Variants in BDKRB2 observed in about 807,000 individuals in gnomAD.
BDKRB2 encodes the protein B2 bradykinin receptor.
A neutral mutation model predicts 4.0 loss-of-function variants in BDKRB2; 6 were observed. The ratio of observed to expected loss-of-function variants is 1.49; its 90% confidence interval spans 0.81 to 2.93. BDKRB2 has a LOEUF of 2.93. BDKRB2 is among the 30% of genes most tolerant of loss of function. The pLI, the probability that BDKRB2 is intolerant of heterozygous loss-of-function variation, is 0.00. For synonymous variants in BDKRB2, 225 were observed against 215.3 expected (o/e 1.05, Z -0.40); for missense variants, 478 against 520.1 (o/e 0.92, Z 0.79).
rs984106959 is a variant in BDKRB2 at position 96,206,758 on chromosome 14, G to C, written c.-40+1799G>C. ...AGGGAGGGGCCCACCTGGGCGCGGT[G>C]GGGGGAGCCCTGCAGATTTGCCCAG... On this transcript the variant is annotated intron_variant, in intron 1 of 2. Transcript: ENST00000554311. Among the ~76,000 whole-genome samples the C allele has an allele frequency of 3.5e-3, 527 of 152,188 alleles. 2 individuals carry two copies. The highest frequency in any genetic ancestry group is 5.6e-3 in the Non-Finnish European group (378 of 68,002).
chr14:96,237,093 C>T lies in BDKRB2; in HGVS notation c.-15C>T. The stretch of plus-strand genomic sequence containing the variant: ...GCCCAGGTGTGGCCTCACTCACATC[C>T]CACTCTGAGTCCAAATGTTCTCTCC... On this transcript the variant is annotated 5_prime_UTR_variant, in exon 2 of 3. Coordinates refer to ENST00000554311, the MANE Select transcript of BDKRB2 (RefSeq NM_001379692.1). The T allele has an allele frequency of 6.2e-7, 1 of 1,608,304 alleles. No individual in the cohort carries two copies. The highest frequency in any genetic ancestry group is 1.1e-5 in the South Asian group (1 of 90,990).
chr14:96,241,433 A>G lies in BDKRB2; in HGVS notation c.1105A>G (p.Thr369Ala). The change falls in exon 3 of 3, where the codon ACA (threonine) becomes GCA (alanine). Residue 369 changes from threonine (T) to alanine (A), a missense_variant. Coordinates refer to ENST00000554311, the MANE Select transcript of BDKRB2 (RefSeq NM_001379692.1). ...EPIQMENSMG[T>A]LRTSISVERQ... ...CATTCAGATGGAGAACTCCATGGGCACACTGCGGACCTCCATCTCCGTGGA... is the reference window on the plus strand; with the variant it reads ...CATTCAGATGGAGAACTCCATGGGCGCACTGCGGACCTCCATCTCCGTGGA... 1 of 1,601,784 alleles carries G rather than the reference A, an allele frequency of 6.2e-7. No individual in the cohort carries two copies. Among genetic ancestry groups the G allele is most frequent in the South Asian group, 1.1e-5 (1 of 89,978 alleles).
rs1890457917 is a variant in BDKRB2 at position 96,217,677 on chromosome 14, ACCT to A, written c.-40+12719_-40+12721del. Among the ~76,000 whole-genome samples, 4 of 152,252 alleles carry A rather than the reference ACCT, an allele frequency of 2.6e-5. No individual in the cohort carries two copies. The South Asian group carries it at 8.3e-4, about 32-fold the overall frequency. On this transcript the variant is annotated intron_variant, in intron 1 of 2. Transcript: ENST00000554311. ...GTGGGGGGCTGGGGGTCTATCCCAG[ACCT>A]TGTTGTCACCTCCTCACTCTCCCAG...
chr14:96,236,222 G>A (rs1402556353), intron 1 of BDKRB2, among the ~76,000 whole-genome samples: 1 of 152,120 alleles, frequency 6.6e-6, no homozygotes, highest in Non-Finnish European at 1.5e-5. Context: ...AGATGTGTCT[G>A]TCTCCCTTAT....
intron 1 of BDKRB2, among the ~76,000 whole-genome samples, chr14:96,208,080 C>T (rs557215790): frequency 1.3e-5 from 2 of 152,194 alleles, no homozygotes; most frequent in Non-Finnish European, 2.9e-5. Flanking sequence ...AATGGGTCCA[C>T]TTTCATTTCC....
intron 2 of BDKRB2, chr14:96,238,540 A>G (rs1232274081): frequency 4.1e-6 from 4 of 985,534 alleles, no homozygotes; most frequent in Non-Finnish European, 4.8e-6. Context: ...TCAGGGGCAA[A>G]GCCTCACTTC....
intron 1 of BDKRB2, among the ~76,000 whole-genome samples, chr14:96,219,426 G>A (rs572014457): frequency 3.0e-4 from 45 of 152,056 alleles, no homozygotes; most frequent in African/African-American, 1.0e-3. Flanking sequence ...GGTGGGGACC[G>A]GGACCTGGCA....
Position 96,241,428 on chromosome 14 carries a change from T to C in BDKRB2, c.1100T>C (p.Met367Thr), listed in dbSNP as rs1885289210. ...RSEPIQMENS[M>T]GTLRTSISVE... Reference sequence around the variant, plus strand: ...GAACCCATTCAGATGGAGAACTCCATGGGCACACTGCGGACCTCCATCTCC... The same window carrying C: ...GAACCCATTCAGATGGAGAACTCCACGGGCACACTGCGGACCTCCATCTCC... The change falls in exon 3 of 3, where the codon ATG becomes ACG. Residue 367 changes from methionine (M) to threonine (T), a missense_variant. Coordinates refer to ENST00000554311, the MANE Select transcript of BDKRB2 (RefSeq NM_001379692.1). 1 of 1,604,800 alleles carries C rather than the reference T, an allele frequency of 6.2e-7. No homozygotes were observed. Among genetic ancestry groups the C allele is most frequent in the Non-Finnish European group, 8.5e-7 (1 of 1,178,572 alleles).
At chr14:96,210,225 G>A (rs1217023654) in intron 1 of BDKRB2, among the ~76,000 whole-genome samples, 2 of 152,198 alleles carry the variant, frequency 1.3e-5, no homozygotes, top group African/African-American at 4.8e-5. Context: ...CAAAATGTGA[G>A]GGAAGTAAAT....
intron 1 of BDKRB2, chr14:96,211,189 C>T (rs1010748095): frequency 1.3e-5 from 2 of 152,276 alleles, no homozygotes; most frequent in Non-Finnish European, 1.5e-5. Flanking sequence ...AGGGAAAAGA[C>T]TGGGCCTTTC....
chr14:96,211,940 G>A (rs1320185360), intron 1 of BDKRB2, among the ~76,000 whole-genome samples: 1 of 152,042 alleles, frequency 6.6e-6, no homozygotes, highest in Non-Finnish European at 1.5e-5. Flanking sequence ...AAGAGGTGAG[G>A]ACACAGCCGG....
chr14:96,237,929 T>G, intron 2 of BDKRB2: 3 of 1,229,514 alleles, frequency 2.4e-6, no homozygotes, highest in Non-Finnish European at 3.1e-6. Flanking sequence ...CTCTAGTGAG[T>G]TAGCTCATGA....
chr14:96,219,178 T>A (rs1890497322), intron 1 of BDKRB2, among the ~76,000 whole-genome samples: 1 of 151,756 alleles, frequency 6.6e-6, no homozygotes, highest in Non-Finnish European at 1.5e-5. Flanking sequence ...AGCATGCTGC[T>A]GTAATCCCAG....
At chr14:96,223,292 C>T in intron 1 of BDKRB2, 1 of 1,050,026 alleles carries the variant, frequency 9.5e-7, no homozygotes, top group Non-Finnish European at 1.5e-6. Context: ...ATCCATGAAT[C>T]AGAACCTCAC....
intron 1 of BDKRB2, among the ~76,000 whole-genome samples, chr14:96,222,279 G>C (rs998728377): frequency 6.6e-6 from 1 of 152,054 alleles, no homozygotes; most frequent in Non-Finnish European, 1.5e-5. Flanking sequence ...ACTTCCCTGC[G>C]TTCACCAACT....
In BDKRB2 at chr14:96,241,685, G is replaced by A. The variant is rs1480805815; in HGVS notation, c.*181G>A. 1.9e-6 allele frequency: 2 copies of A among 1,051,944 alleles called. No individual in the cohort carries two copies. Among genetic ancestry groups the A allele is most frequent in the African/African-American group, 1.6e-5 (1 of 62,542 alleles). 65.2% of individuals were successfully genotyped at this position (1,051,944 alleles called of 1,614,324 possible). On this transcript the variant is annotated 3_prime_UTR_variant, in exon 3 of 3. Transcript: ENST00000554311. ...CCAATTTTGCAGGGAGCATGGCTGTGAGGATGGGGTGAACTCACGCACAGC... is the reference window on the plus strand; with the variant it reads ...CCAATTTTGCAGGGAGCATGGCTGTAAGGATGGGGTGAACTCACGCACAGC...
At chr14:96,217,749 A>G (rs1890459894) in intron 1 of BDKRB2, among the ~76,000 whole-genome samples, 1 of 152,178 alleles carries the variant, frequency 6.6e-6, no homozygotes, top group South Asian at 2.1e-4. Flanking sequence ...CGAGGCAGGG[A>G]CAGGCTATGC....
At chr14:96,229,504 A>C (rs536637620) in intron 1 of BDKRB2, among the ~76,000 whole-genome samples, 204 of 152,292 alleles carry the variant, frequency 1.3e-3, no homozygotes, top group African/African-American at 4.7e-3. Context: ...AGGCCCATGC[A>C]GGGAGTTGAG....
At chr14:96,223,349 G>A in intron 1 of BDKRB2, 1 of 985,872 alleles carries the variant, frequency 1.0e-6, no homozygotes, top group Admixed American at 1.7e-5. Context: ...AAGAAATGAA[G>A]CTGGCGAGCT....
Sources: gnomAD v4.1 joint callset for allele counts (sites outside exome capture counted in the v4.1 genomes callset) on GRCh38, gnomAD v4.1.1 for gene constraint, MANE v1.5 for transcripts, NCBI Gene and HGNC (gene_info 2026-07-23, HGNC 2026-07-21) for gene names.